FARS2: variants seen among roughly 807,000 people sequenced by gnomAD.
FARS2 encodes the protein phenylalanine--tRNA ligase, mitochondrial.
FARS2 carries 40 observed loss-of-function variants against 46.4 expected under a neutral mutation model. The ratio of observed to expected loss-of-function variants is 0.86; its 90% confidence interval spans 0.67 to 1.12. The LOEUF (loss-of-function observed/expected upper bound fraction) is 1.12. Among genes scored for constraint, FARS2 ranks in the 50% most tolerant of loss-of-function variants. The pLI is 0.00. For synonymous variants in FARS2, 234 were observed against 214.9 expected (o/e 1.09, Z -0.78); for missense variants, 513 against 567.9 (o/e 0.90, Z 0.98).
At chr6:5,503,405 C>CACACACACAG in intron 4 of FARS2, among the ~76,000 whole-genome samples, 1 of 39,618 alleles carries the variant, frequency 2.5e-5, no homozygotes, top group East Asian at 3.9e-4. Context: ...CACACACACA[C>CACACACACAG]AGAGAGAGAG....
chr6:5,486,761 G>A (rs912807554), intron 4 of FARS2, among the ~76,000 whole-genome samples: 7 of 152,158 alleles, frequency 4.6e-5, no homozygotes, highest in Non-Finnish European at 1.0e-4. Context: ...TGTCAGCCAC[G>A]TTTCCATCAT....
intron 6 of FARS2, among the ~76,000 whole-genome samples, chr6:5,688,258 A>C (rs906060449): frequency 1.3e-5 from 2 of 152,094 alleles, no homozygotes; most frequent in African/African-American, 4.8e-5. Context: ...GTGGTGGGAG[A>C]GGGCATCCCT....
chr6:5,762,862 G>A (rs186155716), intron 6 of FARS2, among the ~76,000 whole-genome samples: 117 of 152,262 alleles, frequency 7.7e-4, no homozygotes, highest in Middle Eastern at 3.4e-3. Flanking sequence ...AGCAGGGAGC[G>A]GCAACACTGG....
Position 5,404,689 on chromosome 6 carries a change from C to G in FARS2, c.760C>G (p.Leu254Val). Residue 254 changes from leucine (L) to valine (V), a missense_variant, in exon 3 of 7, where the codon CTT (leucine) becomes GTT (valine). Transcript: ENST00000274680. ...KQTLTRLMAHLFGDELEIRWV... is the reference protein window; with the variant it reads ...KQTLTRLMAHVFGDELEIRWV... ...AACGCTTACCAGGCTCATGGCACAT[C>G]TTTTTGGAGATGGTAAGTGCTCAAA... The G allele has an allele frequency of 6.3e-7, 1 of 1,590,790 alleles. No homozygotes were observed. The highest frequency in any genetic ancestry group is 8.6e-7 in the Non-Finnish European group (1 of 1,167,962).
At chr6:5,406,334 G>A (rs1318791541) in intron 3 of FARS2, among the ~76,000 whole-genome samples, 3 of 152,138 alleles carry the variant, frequency 2.0e-5, no homozygotes, top group Non-Finnish European at 4.4e-5. Context: ...AAGTTTTGAC[G>A]TCTTGCAAGT....
intron 4 of FARS2, among the ~76,000 whole-genome samples, chr6:5,498,889 G>A (rs1767630051): frequency 6.6e-6 from 1 of 152,132 alleles, no homozygotes; most frequent in Non-Finnish European, 1.5e-5. Context: ...CATTTCCATT[G>A]AAGCCAGTAG....
intron 6 of FARS2, among the ~76,000 whole-genome samples, chr6:5,700,361 T>C (rs998863863): frequency 2.6e-5 from 4 of 152,168 alleles, no homozygotes; most frequent in Admixed American, 6.5e-5. Flanking sequence ...TTGGGAGTTA[T>C]AAACTGAGGA....
intron 1 of FARS2, among the ~76,000 whole-genome samples, chr6:5,273,110 A>G (rs890846673): frequency 6.6e-6 from 1 of 152,208 alleles, no homozygotes; most frequent in Non-Finnish European, 1.5e-5. Context: ...TAGTGCTGCA[A>G]TAAACATGGG....
chr6:5,762,396 T>C (rs1423686484), intron 6 of FARS2, among the ~76,000 whole-genome samples: 4 of 152,148 alleles, frequency 2.6e-5, no homozygotes, highest in African/African-American at 9.7e-5. Context: ...AGTCTCTCCA[T>C]AAGAGAGTCC....
chr6:5,445,098 C>T (rs1036061997), intron 4 of FARS2, among the ~76,000 whole-genome samples: 2 of 152,056 alleles, frequency 1.3e-5, no homozygotes, highest in African/African-American at 2.4e-5. Flanking sequence ...TTGTATAGCA[C>T]CACATAGAAA....
At chr6:5,483,442 C>T (rs1002080174) in intron 4 of FARS2, among the ~76,000 whole-genome samples, 9 of 152,202 alleles carry the variant, frequency 5.9e-5, no homozygotes, top group Admixed American at 2.0e-4. Context: ...CCAAGGCAGG[C>T]GGGTCACCTG....
chr6:5,258,547 A>G (rs1220126618), upstream of FARS2, among the ~76,000 whole-genome samples: 2 of 152,212 alleles, frequency 1.3e-5, no homozygotes, highest in Admixed American at 6.5e-5. Flanking sequence ...AGCTGCAGAG[A>G]TTAGAGAGGA....
At chr6:5,518,906 T>C (rs1247218761) in intron 4 of FARS2, among the ~76,000 whole-genome samples, 1 of 152,222 alleles carries the variant, frequency 6.6e-6, no homozygotes, top group East Asian at 1.9e-4. Flanking sequence ...GTGGTTACAG[T>C]AGCAGCACTT....
At chr6:5,414,811 G>GTTTTTTTTTTTTTTTT in intron 3 of FARS2, among the ~76,000 whole-genome samples, 1 of 86,680 alleles carries the variant, frequency 1.2e-5, no homozygotes, top group Non-Finnish European at 2.1e-5. Flanking sequence ...GTATATGACT[G>GTTTTTTTTTTTTTTTT]TTTTTTTTTT....
At chr6:5,519,420 T>C (rs1383073699) in intron 4 of FARS2, among the ~76,000 whole-genome samples, 1 of 152,146 alleles carries the variant, frequency 6.6e-6, no homozygotes, top group Non-Finnish European at 1.5e-5. Context: ...TCAAGAAGCT[T>C]GTCCAGAAAC....
Position 5,634,151 on chromosome 6 carries a change from C to T in FARS2, c.1217+20831C>T, listed in dbSNP as rs562360751. Among the ~76,000 whole-genome samples, 102 of 152,170 alleles carry T rather than the reference C, an allele frequency of 6.7e-4. 4 individuals carry two copies. The South Asian group carries it at 0.013, about 20-fold the overall frequency. On this transcript the variant is annotated intron_variant, in intron 6 of 6. Coordinates refer to ENST00000274680, the MANE Select transcript of FARS2 (RefSeq NM_006567.5). ...ATTAAACATTTTTTTCTAGTTCCAT[C>T]TGGAATTGTTATTAAGATATTGTGA...
chr6:5,527,475 T>C (rs1387221905), intron 4 of FARS2, among the ~76,000 whole-genome samples: 1 of 152,246 alleles, frequency 6.6e-6, no homozygotes, highest in Non-Finnish European at 1.5e-5. Context: ...AATTTAATAA[T>C]ACAGTTGAAG....
At chr6:5,456,539 C>G (rs1369138656) in intron 4 of FARS2, among the ~76,000 whole-genome samples, 2 of 151,750 alleles carry the variant, frequency 1.3e-5, no homozygotes, top group African/African-American at 4.8e-5. Flanking sequence ...CGAGGCCAGC[C>G]TGGCCAACAT....
chr6:5,338,881 A>G (rs1425273999), intron 1 of FARS2, among the ~76,000 whole-genome samples: 2 of 152,158 alleles, frequency 1.3e-5, no homozygotes, highest in African/African-American at 4.8e-5. Context: ...TTTCCTGTAC[A>G]GTCCCCAGAT....
Sources: gnomAD v4.1 joint callset for allele counts (sites outside exome capture counted in the v4.1 genomes callset) on GRCh38, gnomAD v4.1.1 for gene constraint, MANE v1.5 for transcripts, NCBI Gene and HGNC (gene_info 2026-07-23, HGNC 2026-07-21) for gene names.